The following SNRNP25 variants were observed in gnomAD, a reference collection of about 807,000 sequenced individuals.
The protein encoded by SNRNP25 is small nuclear ribonucleoprotein U11/U12 subunit 25.
A neutral mutation model predicts 23.9 loss-of-function variants in SNRNP25; 21 were observed. The observed-to-expected ratio is 0.88, with a 90% CI of 0.62 to 1.27. SNRNP25 has a LOEUF of 1.27. Ranked by LOEUF, SNRNP25 falls within the 50% of genes most tolerant of loss-of-function variation. SNRNP25 has a pLI of 0.00. For missense variants in SNRNP25, 160 were observed against 156.9 expected (o/e 1.02, Z -0.11); for synonymous variants, 63 against 60.4 (o/e 1.04, Z -0.20).
At chr16:55,379 C>A in intron 1 of SNRNP25, 80 bp from the exon 2 acceptor site, 2 of 1,303,242 alleles carry the variant, frequency 1.5e-6, no homozygotes, top group Non-Finnish European at 2.2e-6. Flanking sequence ...ACTTTTTGGC[C>A]ACTATCGGCT....
intron 4 of SNRNP25, 83 bp from the exon 5 acceptor site, chr16:57,003 G>A (rs1017931865): frequency 1.8e-5 from 27 of 1,485,780 alleles, no homozygotes; most frequent in African/African-American, 9.7e-5. Flanking sequence ...TTGTTTCTTC[G>A]TGGTCCTCCA....
Position 55,727 on chromosome 16 carries a change from G to A in SNRNP25, c.134-50G>A, listed in dbSNP as rs189294144. On this transcript the variant is annotated intron_variant, in intron 2 of 4. Coordinates refer to ENST00000293861, the MANE Select transcript of SNRNP25 (RefSeq NM_024571.4). ...TCCTTTCCTGCCATCGGAGGCTGTG[G>A]CTTTGGGTTCTCACCATGGATCTTC... 30 of 1,602,536 alleles carry A rather than the reference G, an allele frequency of 1.9e-5. No homozygotes were observed. The African/African-American group carries it at 3.3e-4, about 18-fold the overall frequency.
In SNRNP25 at chr16:55,788, G is replaced by C. The variant is rs141219744; in HGVS notation, c.145G>C (p.Val49Leu). Residue 49 changes from valine to leucine, a missense_variant, in exon 3 of 5, where the codon GTG becomes CTG. Physicochemically the swap from Val to Leu is conservative, Grantham distance 32. Coordinates refer to ENST00000293861, the MANE Select transcript of SNRNP25 (RefSeq NM_024571.4). Reference sequence around the variant, plus strand: ...GTCCGTGGTTGCAGCCGTGGTTGTAGTGCAGAGTGCCACAGTCCTGGACCT... The same window carrying C: ...GTCCGTGGTTGCAGCCGTGGTTGTACTGCAGAGTGCCACAGTCCTGGACCT... ...MDGEVMPVVVVQSATVLDLKK... is the reference protein window; with the variant it reads ...MDGEVMPVVVLQSATVLDLKK... 1.9e-6 allele frequency: 3 copies of C among 1,614,142 alleles called. No homozygotes were observed. Among genetic ancestry groups the C allele is most frequent in the Non-Finnish European group, 2.5e-6 (3 of 1,180,000 alleles).
chr16:57,113 T>TTC lies in SNRNP25; in HGVS notation c.343_344dup (p.Phe116ProfsTer6), dbSNP rs775747574. On this transcript the variant is annotated frameshift_variant, in exon 5 of 5. Transcript: ENST00000293861. LOFTEE classifies it high-confidence loss of function. ...ACGGCATCCGGAATCGAGACGAGGTTTCCTTCATCAAAAAGCTGAGGCAAA... is the reference window on the plus strand; with the variant it reads ...ACGGCATCCGGAATCGAGACGAGGTTTCTCCTTCATCAAAAAGCTGAGGCAAA... 124 of 1,613,940 alleles carry TTC rather than the reference T, an allele frequency of 7.7e-5. No individual in the cohort carries two copies. The highest frequency in any genetic ancestry group is 9.5e-5 in the Non-Finnish European group (112 of 1,180,002).
chr16:55,590 C>G, intron 2 of SNRNP25, 41 bp downstream of exon 2: 3 of 1,606,766 alleles, frequency 1.9e-6, no homozygotes, highest in Non-Finnish European at 2.6e-6. Flanking sequence ...GTGGTCCAGG[C>G]TTTCACAGCA....
rs767294917 is a variant in SNRNP25, at chr16:57,634, G to C, written c.*491G>C. 7 of 164,318 alleles carry C rather than the reference G, an allele frequency of 4.3e-5. No individual in the cohort carries two copies. The highest frequency in any genetic ancestry group is 9.3e-5 in the Non-Finnish European group (7 of 75,002). The allele number at this position is 164,318 out of a possible 1,614,324, so 10.2% of individuals were successfully genotyped here. On this transcript the variant is annotated 3_prime_UTR_variant, in exon 5 of 5. Coordinates refer to ENST00000293861, the MANE Select transcript of SNRNP25 (RefSeq NM_024571.4). Reference sequence around the variant, plus strand: ...TGTGTTACCATGATCTCCACAGCAAGGAGGAAATAAAAGCAGAGCGGCTTT... The same window carrying C: ...TGTGTTACCATGATCTCCACAGCAACGAGGAAATAAAAGCAGAGCGGCTTT...
intron 1 of SNRNP25, among the ~76,000 whole-genome samples, chr16:54,552 A>G (rs76224996): frequency 0.021 from 3,198 of 150,688 alleles, 114 homozygotes; most frequent in African/African-American, 0.072. Context: ...CTGGCCTGTA[A>G]TACCTTTAAA....
chr16:55,515 G>C lies in SNRNP25; in HGVS notation c.99G>C (p.Thr33=). ...QIALEYGQAM[T]VRVCKMDGEV... is the part of the protein sequence containing the mutation. ...CCCTAGAATACGGCCAGGCAATGAC[G>C]GTCCGAGTGTGCAAGATGGATGGAG... is the stretch of plus-strand genomic sequence containing the variant. Residue 33 remains threonine (T), a synonymous_variant, in exon 2 of 5, where the codon ACG becomes ACC. Transcript: ENST00000293861. 1 of 1,614,164 alleles carries C rather than the reference G, an allele frequency of 6.2e-7. No homozygotes were observed. Among genetic ancestry groups the C allele is most frequent in the Non-Finnish European group, 8.5e-7 (1 of 1,180,034 alleles).
In SNRNP25 at chr16:53,859, T is replaced by TAGTGCGGGCTGGC. The variant is rs1897371982; in HGVS notation, c.-148_-136dup. ...CCTGCGCGTGCGCGCTTGGCCTCCCTAGTGCGGGCTGGCAGTGCGGGCAGA... is the reference window on the plus strand; with the variant it reads ...CCTGCGCGTGCGCGCTTGGCCTCCCTAGTGCGGGCTGGCAGTGCGGGCTGGCAGTGCGGGCAGA... On this transcript the variant is annotated 5_prime_UTR_variant, in exon 1 of 5. Coordinates refer to ENST00000293861, the MANE Select transcript of SNRNP25 (RefSeq NM_024571.4). The TAGTGCGGGCTGGC allele has an allele frequency of 2.2e-5, 31 of 1,430,082 alleles. No homozygotes were observed. Among genetic ancestry groups the TAGTGCGGGCTGGC allele is most frequent in the Non-Finnish European group, 2.8e-5 (30 of 1,059,922 alleles). 88.6% of individuals were successfully genotyped at this position (1,430,082 alleles called of 1,614,324 possible).
Position 53,862 on chromosome 16 carries a change from T to C in SNRNP25, c.-155T>C, listed in dbSNP as rs1050530828. The C allele has an allele frequency of 4.6e-5, 67 of 1,446,770 alleles. No individual in the cohort carries two copies. The highest frequency in any genetic ancestry group is 4.7e-5 in the Non-Finnish European group (50 of 1,072,962). 89.6% of individuals were successfully genotyped at this position (1,446,770 alleles called of 1,614,324 possible). On this transcript the variant is annotated 5_prime_UTR_variant, in exon 1 of 5. Transcript: ENST00000293861. ...GCGCGTGCGCGCTTGGCCTCCCTAG[T>C]GCGGGCTGGCAGTGCGGGCAGAGCC...
chr16:55,926 T>TATAATGA, intron 3 of SNRNP25, 44 bp downstream of exon 3: 1 of 1,561,702 alleles, frequency 6.4e-7, no homozygotes, highest in Non-Finnish European at 8.8e-7. Flanking sequence ...TTCGTGGGGC[T>TATAATGA]AGTGCCCTTC....
Position 57,420 on chromosome 16 carries a change from A to C in SNRNP25, c.*277A>C. ...GCAGACCCACGGCCTGGCCCACTGT[A>C]TAAAATAAACCTGTTTGCTTCTTAG... On this transcript the variant is annotated 3_prime_UTR_variant, in exon 5 of 5. Transcript: ENST00000293861. 1 of 519,524 alleles carries C rather than the reference A, an allele frequency of 1.9e-6. No individual in the cohort carries two copies. The highest frequency in any genetic ancestry group is 3.5e-6 in the Non-Finnish European group (1 of 288,760). 32.2% of individuals were successfully genotyped at this position (519,524 alleles called of 1,614,324 possible). A position where few individuals can be genotyped will look rare whatever the true frequency, so the allele number is the denominator to read the frequency against.
At chr16:55,415 TAA>T in intron 1 of SNRNP25, 42 bp from the exon 2 acceptor site, 1 of 1,572,848 alleles carries the variant, frequency 6.4e-7, no homozygotes, top group African/African-American at 1.3e-5. Context: ...CTCAAGGTGG[TAA>T]AGAGAGCCAG....
Position 57,069 on chromosome 16 carries a change from CT to C in SNRNP25, c.315-14del, listed in dbSNP as rs1244550911. On this transcript the variant is annotated splice_polypyrimidine_tract_variant and intron_variant, in intron 4 of 4. Coordinates refer to ENST00000293861, the MANE Select transcript of SNRNP25 (RefSeq NM_024571.4). ...CTTCTGTAGGGCAGGTGCTTTATGC[CT>C]TTCCTTCTTTTTCAGCTACGGCATC... The C allele has an allele frequency of 6.2e-7, 1 of 1,613,942 alleles. No homozygotes were observed. The highest frequency in any genetic ancestry group is 8.5e-7 in the Non-Finnish European group (1 of 1,179,984).
At chr16:56,711 A>G (rs1897415851) in intron 4 of SNRNP25, 98 bp downstream of exon 4, 1 of 1,319,946 alleles carries the variant, frequency 7.6e-7, no homozygotes. Flanking sequence ...CTCTCCGGAG[A>G]TAACACCCTC....
At chr16:56,917 C>T (rs1222852506) in intron 4 of SNRNP25, among the ~76,000 whole-genome samples, 169 bp from the exon 5 acceptor site, 2 of 148,926 alleles carry the variant, frequency 1.3e-5, no homozygotes, top group Non-Finnish European at 3.0e-5. Context: ...ACTTGTGAGT[C>T]GGAGTGCTTC....
In SNRNP25 at chr16:53,917, G is replaced by T. The variant is rs1897373411; in HGVS notation, c.-100G>T. ...TGAGAGGGGCGGCCCTGGAGGAGACGGAGGCCGCGGGTGGGCCCGAGGCGC... is the reference window on the plus strand; with the variant it reads ...TGAGAGGGGCGGCCCTGGAGGAGACTGAGGCCGCGGGTGGGCCCGAGGCGC... On this transcript the variant is annotated 5_prime_UTR_variant, in exon 1 of 5. Coordinates refer to ENST00000293861, the MANE Select transcript of SNRNP25 (RefSeq NM_024571.4). The T allele has an allele frequency of 8.4e-6, 13 of 1,539,014 alleles. No homozygotes were observed. Among genetic ancestry groups the T allele is most frequent in the Non-Finnish European group, 1.1e-5 (13 of 1,136,772 alleles).
In SNRNP25 at chr16:54,077, TG is replaced by T. The variant is rs1263488266; in HGVS notation, c.42+24del. ...GATCCAGGTGTGTGCGGGCGGGGGC[TG>T]GGGGCGCGGGAGTCGTTCCCCGGGG... On this transcript the variant is annotated intron_variant, in intron 1 of 4. Transcript: ENST00000293861. The T allele has an allele frequency of 1.3e-6, 2 of 1,593,246 alleles. No individual in the cohort carries two copies. The highest frequency in any genetic ancestry group is 1.7e-6 in the Non-Finnish European group (2 of 1,175,110).
chr16:56,696 G>C (rs1897415510), intron 4 of SNRNP25, 83 bp downstream of exon 4: 2 of 1,459,478 alleles, frequency 1.4e-6, no homozygotes, highest in Non-Finnish European at 1.9e-6. Flanking sequence ...GAGGGCTGCG[G>C]CTCCCTCTCC....
Sources: gnomAD v4.1 joint callset for allele counts (sites outside exome capture counted in the v4.1 genomes callset) on GRCh38, gnomAD v4.1.1 for gene constraint, MANE v1.5 for transcripts, NCBI Gene and HGNC (gene_info 2026-07-23, HGNC 2026-07-21) for gene names.